PNISR: variants seen among roughly 807,000 people sequenced by gnomAD.
PNISR encodes the protein arginine/serine-rich protein PNISR.
PNISR carries 20 observed loss-of-function variants against 93.4 expected under a neutral mutation model. The observed-to-expected ratio is 0.21, with a 90% CI of 0.15 to 0.31. PNISR has a LOEUF of 0.31. PNISR is among the 10% of genes least tolerant of loss of function. The pLI is 1.00. For synonymous variants in PNISR, 305 were observed against 306.5 expected, an observed-to-expected ratio of 0.99 and a Z score of 0.05; for missense variants, 893 against 985.4, an observed-to-expected ratio of 0.91 and a Z score of 1.25.
chr6:99,411,458 G>C (rs1776899469), intron 4 of PNISR, among the ~76,000 whole-genome samples: 1 of 152,132 alleles, frequency 6.6e-6, no homozygotes, highest in South Asian at 2.1e-4. Flanking sequence ...CTAAGGGGTA[G>C]GGATGCCCGC....
Position 99,412,467 on chromosome 6 carries a change from C to T in PNISR, c.277+84G>A, listed in dbSNP as rs938544849. ...GAAGCATTAATTTCCAGAAGTCATACAACTAAGCAAATTAAAAAATTTAAT... is the reference window on the plus strand; with the variant it reads ...GAAGCATTAATTTCCAGAAGTCATATAACTAAGCAAATTAAAAAATTTAAT... On this transcript the variant is annotated intron_variant, in intron 4 of 11. Coordinates refer to ENST00000369239, the MANE Select transcript of PNISR (RefSeq NM_032870.4). The T allele has an allele frequency of 4.3e-6, 4 of 937,996 alleles. No individual in the cohort carries two copies. In the African/African-American group the frequency reaches 6.7e-5, roughly 16 times the overall value. 58.1% of individuals were successfully genotyped at this position (937,996 alleles called of 1,614,324 possible).
chr6:99,410,620 A>T, intron 5 of PNISR, 121 bp downstream of exon 5: 1 of 630,680 alleles, frequency 1.6e-6, no homozygotes. Flanking sequence ...CTGAGACAGA[A>T]TGTGCTTATT....
Position 99,401,299 on chromosome 6 carries a change from T to C in PNISR, c.1659A>G (p.Lys553=). The part of the protein sequence containing the change: ...SRTSSRSSSP[K]RKKRHSRSRS... The stretch of plus-strand genomic sequence containing the variant: ...TACTCCTACTGTGTCTCTTTTTCCT[T>C]TTAGGAGAAGAAGACCGAGAAGAAG... The change falls in exon 12 of 12, where the codon AAA becomes AAG. Residue 553 remains lysine (K), a synonymous_variant. Transcript: ENST00000369239. 1 of 1,614,064 alleles carries C rather than the reference T, an allele frequency of 6.2e-7. No individual in the cohort carries two copies. Among genetic ancestry groups the C allele is most frequent in the East Asian group, 2.2e-5 (1 of 44,876 alleles).
chr6:99,423,951 G>A (rs1779027366), intron 1 of PNISR, among the ~76,000 whole-genome samples: 2 of 152,216 alleles, frequency 1.3e-5, no homozygotes, highest in East Asian at 1.9e-4. Flanking sequence ...TATAAGGACA[G>A]CAGTTATTAA....
chr6:99,412,650 T>C lies in PNISR; in HGVS notation c.178A>G (p.Met60Val). ...GACATATCTTGTCCATTTGGCATCA[T>C]TCCTGGTGGTTGTTCTACCATGCTT... is the stretch of plus-strand genomic sequence containing the variant. ...QQSMVEQPPG[M>V]MPNGQDMSTM... The change falls in exon 4 of 12, where the codon ATG (methionine) becomes GTG (valine). Residue 60 changes from methionine to valine, a missense_variant. Physicochemically the swap from Met to Val is conservative, Grantham distance 21. Around this residue, in one of 3 missense-constraint regions of PNISR, gnomAD observed 866 missense variants for 935.1 expected, o/e 0.93. Transcript: ENST00000369239. 1 of 1,612,942 alleles carries C rather than the reference T, an allele frequency of 6.2e-7. No individual in the cohort carries two copies. Among genetic ancestry groups the C allele is most frequent in the Non-Finnish European group, 8.5e-7 (1 of 1,179,362 alleles).
rs1486425108 is a variant in PNISR at position 99,400,549 on chromosome 6, T to A, written c.2409A>T (p.Arg803=). ...TACTTTAAAAAGTATACTACCTTGA[T>A]CGGGACTTAGACTTGTGTTTGCGGC... The part of the protein sequence containing the change: ...KASRKHKSKS[R]SR Residue 803 remains arginine, a synonymous_variant, in exon 12 of 12, where the codon CGA becomes CGT. Transcript: ENST00000369239. 1 of 1,612,380 alleles carries A rather than the reference T, an allele frequency of 6.2e-7. No homozygotes were observed. Among genetic ancestry groups the A allele is most frequent in the African/African-American group, 1.3e-5 (1 of 74,916 alleles).
chr6:99,423,264 A>G (rs1778865071), intron 1 of PNISR, among the ~76,000 whole-genome samples: 1 of 152,214 alleles, frequency 6.6e-6, no homozygotes, highest in East Asian at 1.9e-4. Context: ...GGATTATAAT[A>G]TAAGTTATGT....
chr6:99,403,833 T>C lies in PNISR; in HGVS notation c.1152A>G (p.Gly384=), dbSNP rs1403072468. ...AQSSALASLT[G]LGGLGGYGSG... is the part of the protein sequence containing the mutation. The stretch of plus-strand genomic sequence containing the variant: ...ACAAATATGGAAAACACTTACCGAG[T>C]CCAGTGAGGGAAGCCAGTGCACTGG... Residue 384 remains glycine, a synonymous_variant, in exon 10 of 12, where the codon GGA becomes GGG. Coordinates refer to ENST00000369239, the MANE Select transcript of PNISR (RefSeq NM_032870.4). The C allele has an allele frequency of 6.2e-7, 1 of 1,612,472 alleles. No homozygotes were observed. The highest frequency in any genetic ancestry group is 1.1e-5 in the South Asian group (1 of 91,000).
Position 99,400,622 on chromosome 6 carries a change from C to T in PNISR, c.2336G>A (p.Ser779Asn). Residue 779 changes from serine (S) to asparagine (N), a missense_variant, in exon 12 of 12, where the codon AGT becomes AAT. Ser to Asn is a conservative substitution (Grantham distance 46). Transcript: ENST00000369239. ...AGATTTCTCCACGGATCGCGATCGA[C>T]TATGTTTAGGCTTCTTAGCCTTCTT... ...KEKKAKKPKHSRSRSVEKSQR... is the reference protein window; with the variant it reads ...KEKKAKKPKHNRSRSVEKSQR... 6.2e-7 allele frequency: 1 copy of T among 1,614,070 alleles called. No individual in the cohort carries two copies. The highest frequency in any genetic ancestry group is 1.1e-5 in the South Asian group (1 of 91,078).
intron 5 of PNISR, chr6:99,409,775 C>T (rs1358666559): frequency 6.5e-6 from 1 of 154,436 alleles, no homozygotes; most frequent in Non-Finnish European, 1.4e-5. Context: ...CATTTATAAG[C>T]AAAGATAGAA....
At chr6:99,407,928 CAT>C (rs2128483618) in intron 7 of PNISR, among the ~76,000 whole-genome samples, 151 bp downstream of exon 7, 1 of 152,292 alleles carries the variant, frequency 6.6e-6, no homozygotes, top group Non-Finnish European at 1.5e-5. Context: ...TTCAGTAACA[CAT>C]ATATAAAATC....
chr6:99,400,796 A>G lies in PNISR; in HGVS notation c.2162T>C (p.Phe721Ser). ...AACAGATATAGAACCACTCCTAGAA[A>G]ATGTTCTTTCACTTTCTCGTTTCCT... The part of the protein sequence containing the change: ...LKRKRESERT[F>S]SRSGSISVKI... Residue 721 changes from phenylalanine to serine, a missense_variant, in exon 12 of 12, where the codon TTT (phenylalanine) becomes TCT (serine). Phe to Ser is a radical substitution (Grantham distance 155, BLOSUM62 -2). Around this residue, in one of 3 missense-constraint regions of PNISR, gnomAD observed 866 missense variants for 935.1 expected, o/e 0.93. Coordinates refer to ENST00000369239, the MANE Select transcript of PNISR (RefSeq NM_032870.4). The G allele has an allele frequency of 6.2e-7, 1 of 1,611,860 alleles. No individual in the cohort carries two copies. The highest frequency in any genetic ancestry group is 8.5e-7 in the Non-Finnish European group (1 of 1,178,452).
intron 1 of PNISR, among the ~76,000 whole-genome samples, chr6:99,419,224 G>A (rs961015378): frequency 4.0e-5 from 5 of 126,070 alleles, no homozygotes; most frequent in Non-Finnish European, 6.5e-5. Context: ...TTAACAAAAC[G>A]TACATGCACA....
At chr6:99,415,457 A>C (rs1266459242) in intron 2 of PNISR, 1 of 152,200 alleles carries the variant, frequency 6.6e-6, no homozygotes, top group East Asian at 1.9e-4. Flanking sequence ...AAGGTACTTT[A>C]TGTTAATAAC....
At position 99,400,837 on chromosome 6, in the gene PNISR, C is replaced by T; in HGVS notation, c.2121G>A (p.Gln707=). ...REEKDFKFSS[Q]DDRLKRKRES... ...CTCGTTTCCTTTTTAATCTATCATC[C>T]TGACTACTGAACTTAAAATCTTTTT... is the stretch of plus-strand genomic sequence containing the variant. Residue 707 remains glutamine, a synonymous_variant, in exon 12 of 12, where the codon CAG becomes CAA. Transcript: ENST00000369239. 1 of 1,610,470 alleles carries T rather than the reference C, an allele frequency of 6.2e-7. No individual in the cohort carries two copies. Among genetic ancestry groups the T allele is most frequent in the East Asian group, 2.2e-5 (1 of 44,876 alleles).
rs144702902 is a variant in PNISR at position 99,401,094 on chromosome 6, G to A, written c.1864C>T (p.Arg622Cys). The change falls in exon 12 of 12, where the codon CGC (arginine) becomes TGC (cysteine). Residue 622 changes from arginine (R) to cysteine (C), a missense_variant. Arg to Cys is a radical substitution (Grantham distance 180). Transcript: ENST00000369239. ...PSRERRRSRSRSRDRRTNRAS... is the reference protein window; with the variant it reads ...PSRERRRSRSCSRDRRTNRAS... ...CGATTGGTTCGTCTATCCCTTGAGC[G>A]ACTTCTACTTCTACGTCTCTCTCGG... 3.2e-4 allele frequency: 517 copies of A among 1,613,630 alleles called. 2 individuals are homozygous for A. The African/African-American group carries it at 4.7e-3, about 15-fold the overall frequency.
intron 1 of PNISR, among the ~76,000 whole-genome samples, chr6:99,424,691 G>T (rs1779200112): frequency 1.3e-5 from 2 of 152,256 alleles, no homozygotes; most frequent in South Asian, 4.1e-4. Flanking sequence ...TTGTTCAGAT[G>T]ACGATACTAT....
chr6:99,398,204 A>G lies in PNISR; in HGVS notation c.*2336T>C, dbSNP rs916398323. Reference sequence around the variant, plus strand: ...TACACTAGAAATATTTTTTAATAGAACCTCTTAAACAAGACATTTTCATTA... The same window carrying G: ...TACACTAGAAATATTTTTTAATAGAGCCTCTTAAACAAGACATTTTCATTA... On this transcript the variant is annotated 3_prime_UTR_variant, in exon 12 of 12. Coordinates refer to ENST00000369239, the MANE Select transcript of PNISR (RefSeq NM_032870.4). The G allele has an allele frequency of 6.6e-6, 1 of 152,144 alleles. No individual in the cohort carries two copies. The highest frequency in any genetic ancestry group is 2.4e-5 in the African/African-American group (1 of 41,452). 9.4% of individuals were successfully genotyped at this position (152,144 alleles called of 1,614,324 possible). A position where few individuals can be genotyped will look rare whatever the true frequency, so the allele number is the denominator to read the frequency against.
chr6:99,416,379 G>A lies in PNISR; in HGVS notation c.-62C>T. 8.2e-7 allele frequency: 1 copy of A among 1,219,108 alleles called. No individual in the cohort carries two copies. The highest frequency in any genetic ancestry group is 3.2e-5 in the East Asian group (1 of 31,584). The allele number at this position is 1,219,108 out of a possible 1,614,324, so 75.5% of individuals were successfully genotyped here. A position where few individuals can be genotyped will look rare whatever the true frequency, so the allele number is the denominator to read the frequency against. On this transcript the variant is annotated 5_prime_UTR_variant, in exon 2 of 12. Transcript: ENST00000369239. ...AGGTTCACCTTCTGTTTAAAACTTA[G>A]GTTGATTCAGACTACAGCTTCGAAG...
Sources: gnomAD v4.1 joint callset for allele counts (sites outside exome capture counted in the v4.1 genomes callset) on GRCh38, gnomAD v4.1.1 for gene constraint, gnomAD v4.1.1 regional missense constraint, MANE v1.5 for transcripts, NCBI Gene and HGNC (gene_info 2026-07-23, HGNC 2026-07-21) for gene names.